The following HKDC1 variants were observed in gnomAD, a reference collection of about 807,000 sequenced individuals.
HKDC1 encodes the protein hexokinase domain containing 1, also known as hexokinase HKDC1.
HKDC1 carries 66 observed loss-of-function variants against 96.6 expected under a neutral mutation model. The ratio of observed to expected loss-of-function variants is 0.68; its 90% CI spans 0.56 to 0.84. The LOEUF is 0.84. Ranked by LOEUF, HKDC1 falls within the 40% of genes least tolerant of loss-of-function variation. HKDC1 has a pLI of 0.00. For synonymous variants in HKDC1, 466 were observed against 473.1 expected, an observed-to-expected ratio of 0.98 and a Z score of 0.20; for missense variants, 1,211 against 1,208.1, an observed-to-expected ratio of 1.00 and a Z score of -0.04.
chr10:69,247,962 A>G (rs183092889), intron 9 of HKDC1, among the ~76,000 whole-genome samples: 1 of 152,278 alleles, frequency 6.6e-6, no homozygotes, highest in Admixed American at 6.5e-5. Context: ...ACACCTAGTC[A>G]TAGATGGGGA....
chr10:69,244,540 G>A (rs1035805142), intron 7 of HKDC1, among the ~76,000 whole-genome samples: 5 of 152,112 alleles, frequency 3.3e-5, no homozygotes, highest in African/African-American at 9.7e-5. Flanking sequence ...TTCCTTCCAG[G>A]CCTGGTGGCT....
At chr10:69,232,579 C>G in intron 2 of HKDC1, 185 bp from the exon 3 acceptor site, 1 of 614,248 alleles carries the variant, frequency 1.6e-6, no homozygotes, top group Non-Finnish European at 2.8e-6. Context: ...GTTCACATCT[C>G]AGCTCTGCGC....
At chr10:69,241,081 C>A (rs917620971) in intron 6 of HKDC1, among the ~76,000 whole-genome samples, 2 of 152,014 alleles carry the variant, frequency 1.3e-5, no homozygotes, top group Non-Finnish European at 2.9e-5. Context: ...AAACAAAAAA[C>A]AAAAAACAAA....
intron 5 of HKDC1, among the ~76,000 whole-genome samples, chr10:69,239,534 T>C (rs1272484741): frequency 6.6e-6 from 1 of 152,200 alleles, no homozygotes; most frequent in Non-Finnish European, 1.5e-5. Flanking sequence ...TATTTCACTG[T>C]CCACTCCCTG....
chr10:69,264,600 A>G (rs1350350441), intron 16 of HKDC1, among the ~76,000 whole-genome samples: 2 of 152,086 alleles, frequency 1.3e-5, no homozygotes, highest in South Asian at 2.1e-4. Context: ...TTCCTGGCCT[A>G]AAGTGATTCT....
At chr10:69,225,005 CTG>C (rs1349063870) in intron 1 of HKDC1, among the ~76,000 whole-genome samples, 1 of 152,202 alleles carries the variant, frequency 6.6e-6, no homozygotes, top group Non-Finnish European at 1.5e-5. Context: ...CTTCTAACAA[CTG>C]TTCCTGGTGC....
intron 17 of HKDC1, 23 bp from the exon 18 acceptor site, chr10:69,266,587 A>T (rs1238374643): frequency 6.2e-7 from 1 of 1,611,804 alleles, no homozygotes; most frequent in South Asian, 1.1e-5. Context: ...AGGGCTGATG[A>T]TGTTTCTTTC....
chr10:69,228,357 C>G (rs1843195823), intron 2 of HKDC1, among the ~76,000 whole-genome samples: 1 of 152,286 alleles, frequency 6.6e-6, no homozygotes, highest in African/African-American at 2.4e-5. Context: ...TCAAGGTCAG[C>G]TGATGAGCAA....
chr10:69,259,674 G>C (rs745523046), intron 15 of HKDC1, among the ~76,000 whole-genome samples: 1 of 152,194 alleles, frequency 6.6e-6, no homozygotes, highest in Non-Finnish European at 1.5e-5. Context: ...AGCATGGCTG[G>C]GAGGCCTCAG....
At chr10:69,264,477 A>G (rs527825452) in intron 16 of HKDC1, among the ~76,000 whole-genome samples, 2 of 151,938 alleles carry the variant, frequency 1.3e-5, no homozygotes, top group Non-Finnish European at 2.9e-5. Flanking sequence ...GAGCTCAAGC[A>G]ATCCTCATGC....
intron 15 of HKDC1, among the ~76,000 whole-genome samples, chr10:69,260,121 A>G (rs1843783553): frequency 6.6e-6 from 1 of 152,220 alleles, no homozygotes; most frequent in Non-Finnish European, 1.5e-5. Context: ...ATTTATTGTT[A>G]TGGGTGCTAT....
At chr10:69,265,186 G>A (rs565523965) in intron 16 of HKDC1, among the ~76,000 whole-genome samples, 54 of 152,290 alleles carry the variant, frequency 3.5e-4, no homozygotes, top group African/African-American at 1.2e-3. Flanking sequence ...TTGTGGGAAA[G>A]TGCGAGAGGT....
chr10:69,226,085 G>A (rs1843151468), intron 1 of HKDC1: 1 of 152,236 alleles, frequency 6.6e-6, no homozygotes, highest in African/African-American at 2.4e-5. Flanking sequence ...ATCCATCCCA[G>A]TGAGCCCGGG....
chr10:69,224,441 G>A (rs569872961), intron 1 of HKDC1, among the ~76,000 whole-genome samples: 10 of 152,040 alleles, frequency 6.6e-5, no homozygotes, highest in East Asian at 5.8e-4. Flanking sequence ...CCGCCACCAC[G>A]CCTGGCTAAT....
chr10:69,239,220 G>T, intron 5 of HKDC1, 83 bp downstream of exon 5: 1 of 963,550 alleles, frequency 1.0e-6, no homozygotes, highest in South Asian at 1.4e-5. Flanking sequence ...GTGAGGTGAG[G>T]GGGTCACATA....
chr10:69,239,005 G>A (rs763730392), intron 4 of HKDC1, 37 bp from the exon 5 acceptor site: 9 of 1,481,994 alleles, frequency 6.1e-6, no homozygotes, highest in East Asian at 4.5e-5. Context: ...ATCTCAGCAC[G>A]TCTTTCATTC....
At chr10:69,226,412 C>T (rs1304492891) in intron 1 of HKDC1, among the ~76,000 whole-genome samples, 1 of 151,966 alleles carries the variant, frequency 6.6e-6, no homozygotes. Context: ...TTTGGGAGGC[C>T]GAGGCGTGTG....
At chr10:69,247,921 C>T (rs57236635) in intron 9 of HKDC1, among the ~76,000 whole-genome samples, 19,561 of 152,188 alleles carry the variant, frequency 0.13, 1,317 homozygotes, top group Middle Eastern at 0.17. Context: ...TACTGAACAC[C>T]TACTATGTGG....
At chr10:69,244,415 C>T (rs1306745150) in intron 7 of HKDC1, among the ~76,000 whole-genome samples, 1 of 152,220 alleles carries the variant, frequency 6.6e-6, no homozygotes, top group Non-Finnish European at 1.5e-5. Context: ...GGCACCTACT[C>T]CAGGCACATG....
Sources: gnomAD v4.1 joint callset for allele counts (sites outside exome capture counted in the v4.1 genomes callset) on GRCh38, gnomAD v4.1.1 for gene constraint, MANE v1.5 for transcripts, NCBI Gene and HGNC (gene_info 2026-07-23, HGNC 2026-07-21) for gene names.